UNC80: variants seen among roughly 807,000 people sequenced by gnomAD.
UNC80 encodes the protein unc-80 subunit of NALCN channel complex.
In UNC80, 164 loss-of-function variants were observed where a neutral mutation model predicts 384.6. The ratio of observed to expected loss-of-function variants is 0.43; its 90% CI spans 0.38 to 0.49. The LOEUF is 0.49. Ranked by LOEUF, UNC80 falls within the 20% of genes least tolerant of loss-of-function variation. The pLI is 0.00. For synonymous variants in UNC80, 1,486 were observed against 1,527.8 expected (o/e 0.97, Z 0.64); for missense variants, 3,330 against 4,143.0 (o/e 0.80, Z 5.39).
intron 5 of UNC80, among the ~76,000 whole-genome samples, chr2:209,789,144 A>G (rs1574450327): frequency 6.6e-6 from 1 of 152,230 alleles, no homozygotes; most frequent in African/African-American, 2.4e-5. Flanking sequence ...TGTTTGCACA[A>G]TGATGAATTT....
At chr2:209,887,073 G>A (rs2085879612) in intron 25 of UNC80, among the ~76,000 whole-genome samples, 1 of 151,790 alleles carries the variant, frequency 6.6e-6, no homozygotes, top group African/African-American at 2.4e-5. Context: ...TTTCCCTCTT[G>A]TTGCCCAGGC....
At chr2:209,919,940 A>G (rs1401157922) in intron 33 of UNC80, among the ~76,000 whole-genome samples, 4 of 152,204 alleles carry the variant, frequency 2.6e-5, no homozygotes, top group Non-Finnish European at 4.4e-5. Flanking sequence ...CTCATTCCAC[A>G]GTTCTTACCT....
intron 22 of UNC80, among the ~76,000 whole-genome samples, chr2:209,854,148 T>C (rs1284922541): frequency 1.3e-5 from 2 of 152,086 alleles, no homozygotes; most frequent in Non-Finnish European, 2.9e-5. Flanking sequence ...TAATGATCAA[T>C]GCAAATTAGG....
intron 18 of UNC80, 79 bp downstream of exon 18, chr2:209,835,089 A>AT (rs1440713647): frequency 4.2e-6 from 5 of 1,180,014 alleles, no homozygotes; most frequent in Non-Finnish European, 6.0e-6. Context: ...CCAAACTGCT[A>AT]TTTGTTTGTT....
At chr2:209,787,880 T>G (rs2077541800) in intron 5 of UNC80, among the ~76,000 whole-genome samples, 1 of 152,210 alleles carries the variant, frequency 6.6e-6, no homozygotes, top group Non-Finnish European at 1.5e-5. Flanking sequence ...AAAACAATCT[T>G]AGGCAGGTAT....
At position 209,850,629 on chromosome 2, in the gene UNC80, T is replaced by G. The variant is rs551991139; in HGVS notation, c.3627+1006T>G. ...CTTAAGGCTGAAATATTAATACCAC[T>G]TATAATCACCCAAAATGATTGCTTT... On this transcript the variant is annotated intron_variant, in intron 22 of 64. Coordinates refer to ENST00000673920, the MANE Select transcript of UNC80 (RefSeq NM_001371986.1). 3.9e-5 allele frequency among the ~76,000 whole-genome samples: 6 copies of G among 152,304 alleles called. No individual in the cohort carries two copies. In the East Asian group the frequency reaches 1.2e-3, roughly 29 times the overall value.
intron 29 of UNC80, among the ~76,000 whole-genome samples, chr2:209,907,544 G>A (rs2088389509): frequency 6.6e-6 from 1 of 152,096 alleles, no homozygotes; most frequent in Admixed American, 6.6e-5. Flanking sequence ...ATGTTAATTG[G>A]ATACAGATTT....
intron 22 of UNC80, among the ~76,000 whole-genome samples, chr2:209,863,452 C>A (rs909145159): frequency 1.3e-5 from 2 of 152,174 alleles, no homozygotes; most frequent in African/African-American, 4.8e-5. Context: ...CCATTCTTCT[C>A]ATCTCCTTCT....
At chr2:209,918,396 C>G (rs1050854123) in intron 32 of UNC80, 136 bp from the exon 33 acceptor site, 83 of 1,068,050 alleles carry the variant, frequency 7.8e-5, no homozygotes, top group Non-Finnish European at 1.1e-4. Flanking sequence ...TAGCCCTTTT[C>G]TAAAATTCTT....
intron 61 of UNC80, among the ~76,000 whole-genome samples, chr2:209,990,548 T>C (rs1473703016): frequency 1.3e-5 from 2 of 152,196 alleles, no homozygotes; most frequent in African/African-American, 4.8e-5. Context: ...CTTTGCTTAG[T>C]ATTAGGAGAA....
intron 21 of UNC80, among the ~76,000 whole-genome samples, chr2:209,846,705 G>A (rs144742289): frequency 0.013 from 2,037 of 152,002 alleles, 49 homozygotes; most frequent in African/African-American, 0.045. Flanking sequence ...AACAAATGCA[G>A]CTAAAATATA....
intron 60 of UNC80, 170 bp downstream of exon 60, chr2:209,982,487 T>G: frequency 1.2e-6 from 1 of 829,814 alleles, no homozygotes; most frequent in African/African-American, 1.8e-5. Context: ...GGCAACACTT[T>G]GCAGTTTTCT....
intron 21 of UNC80, among the ~76,000 whole-genome samples, chr2:209,846,361 A>G (rs1164083826): frequency 6.6e-6 from 1 of 152,126 alleles, no homozygotes; most frequent in Non-Finnish European, 1.5e-5. Context: ...CATTTTAAAA[A>G]TCATGTTGTC....
intron 4 of UNC80, among the ~76,000 whole-genome samples, chr2:209,778,766 G>C (rs1229516666): frequency 6.6e-6 from 1 of 152,214 alleles, no homozygotes; most frequent in Non-Finnish European, 1.5e-5. Context: ...TAAGTGCTAA[G>C]ATAAGAATTG....
At chr2:209,776,450 G>A (rs750010589) in intron 3 of UNC80, among the ~76,000 whole-genome samples, 16 of 152,132 alleles carry the variant, frequency 1.1e-4, no homozygotes, top group Non-Finnish European at 1.6e-4. Flanking sequence ...GCATGGTGGT[G>A]CACACCTGTA....
At chr2:209,984,800 CT>C (rs58948800) in intron 60 of UNC80, 55 bp from the exon 61 acceptor site, 20,396 of 1,053,396 alleles carry the variant, frequency 0.019, no homozygotes, top group South Asian at 0.028. Flanking sequence ...TTTCTTTTTT[CT>C]TTTTTTTTTT....
At chr2:209,977,397 C>T (rs1015104267) in intron 58 of UNC80, among the ~76,000 whole-genome samples, 1 of 152,110 alleles carries the variant, frequency 6.6e-6, no homozygotes, top group Non-Finnish European at 1.5e-5. Flanking sequence ...TGGTTTAAAT[C>T]ATTACCTTTA....
At chr2:209,814,131 TAGAG>T (rs1380550457) in intron 8 of UNC80, among the ~76,000 whole-genome samples, 1 of 152,238 alleles carries the variant, frequency 6.6e-6, no homozygotes, top group Non-Finnish European at 1.5e-5. Context: ...TAGTAATTAA[TAGAG>T]AGTTCTGACA....
At chr2:209,796,844 C>G (rs550170195) in intron 7 of UNC80, among the ~76,000 whole-genome samples, 3 of 152,086 alleles carry the variant, frequency 2.0e-5, no homozygotes, top group Non-Finnish European at 4.4e-5. Flanking sequence ...TTATCAACAG[C>G]GTGAAAACGA....
Sources: gnomAD v4.1 joint callset for allele counts (sites outside exome capture counted in the v4.1 genomes callset) on GRCh38, gnomAD v4.1.1 for gene constraint, MANE v1.5 for transcripts, NCBI Gene and HGNC (gene_info 2026-07-23, HGNC 2026-07-21) for gene names.